Variants in MIR2052HG observed in about 807,000 individuals in gnomAD.
MIR2052HG encodes MIR2052 host gene.
chr8:74,629,757 G>A (rs760778250), intron 2 of MIR2052HG, among the ~76,000 whole-genome samples: 3 of 152,126 alleles, frequency 2.0e-5, no homozygotes, highest in African/African-American at 7.2e-5. Flanking sequence ...GAGTGACTGG[G>A]AGATGAATAA....
In MIR2052HG at chr8:74,643,296, A is replaced by C. The variant is rs532033882; in HGVS notation, n.216+30356A>C. The stretch of plus-strand genomic sequence containing the variant: ...AATTTCTTTCTTAAGCATGGTAGTA[A>C]ATGTGGTTTCTTGGACTTCTTCACA... On this transcript the variant is annotated intron_variant and non_coding_transcript_variant, in intron 2 of 6. Transcript: ENST00000523442. 5.3e-5 allele frequency among the ~76,000 whole-genome samples: 8 copies of C among 152,302 alleles called. No homozygotes were observed. In the East Asian group the frequency reaches 1.5e-3, roughly 29 times the overall value.
chr8:74,716,278 C>T (rs1415444487), intron 4 of MIR2052HG, among the ~76,000 whole-genome samples: 1 of 152,132 alleles, frequency 6.6e-6, no homozygotes, highest in Non-Finnish European at 1.5e-5. Flanking sequence ...CTGAGGGTTC[C>T]CAGAATGGTG....
At chr8:74,705,957 G>T in intron 4 of MIR2052HG, among the ~76,000 whole-genome samples, 1 of 152,070 alleles carries the variant, frequency 6.6e-6, no homozygotes, top group East Asian at 1.9e-4. Context: ...GAAAAATTGT[G>T]TTAGAAGGAA....
intron 4 of MIR2052HG, among the ~76,000 whole-genome samples, chr8:74,743,300 A>G (rs940849808): frequency 6.6e-6 from 1 of 152,206 alleles, no homozygotes; most frequent in African/African-American, 2.4e-5. Flanking sequence ...GTTTAATGTT[A>G]GTGAGGTTAT....
chr8:74,715,414 T>C (rs1045289129), intron 4 of MIR2052HG, among the ~76,000 whole-genome samples: 2 of 152,232 alleles, frequency 1.3e-5, no homozygotes, highest in Admixed American at 1.3e-4. Context: ...TAATTGTCCA[T>C]GGCGATTCAC....
intron 1 of MIR2052HG, chr8:74,603,261 A>T: frequency 1.3e-6 from 2 of 1,483,832 alleles, no homozygotes; most frequent in Non-Finnish European, 1.9e-6. Flanking sequence ...AACAGCAGAA[A>T]GGGATTGTGG....
At chr8:74,721,193 T>G (rs1246733134) in intron 4 of MIR2052HG, among the ~76,000 whole-genome samples, 1 of 152,126 alleles carries the variant, frequency 6.6e-6, no homozygotes, top group Non-Finnish European at 1.5e-5. Flanking sequence ...TTCCAGTGGA[T>G]GGGCTGGGGG....
rs186540539 is a variant in MIR2052HG at position 74,613,309 on chromosome 8, G to A, written n.216+369G>A. ...CAAGAAGGGTAAGGCATACAATGAT[G>A]ATCAACTATAATATTCTTGATATTC... is the stretch of plus-strand genomic sequence containing the variant. On this transcript the variant is annotated intron_variant and non_coding_transcript_variant, in intron 2 of 6. Coordinates refer to ENST00000523442, the Ensembl canonical transcript of MIR2052HG. 2.6e-5 allele frequency among the ~76,000 whole-genome samples: 4 copies of A among 152,234 alleles called. No individual in the cohort carries two copies. In the East Asian group the frequency reaches 7.7e-4, roughly 29 times the overall value.
intron 4 of MIR2052HG, among the ~76,000 whole-genome samples, chr8:74,735,744 C>T (rs1044417351): frequency 6.6e-6 from 1 of 152,130 alleles, no homozygotes; most frequent in Non-Finnish European, 1.5e-5. Context: ...CTTTCAAATT[C>T]TGGGAACTTA....
intron 1 of MIR2052HG, chr8:74,604,073 T>G (rs1316743944): frequency 4.3e-6 from 4 of 934,266 alleles, no homozygotes; most frequent in Non-Finnish European, 7.1e-6. Context: ...AAAGTGATAA[T>G]TCTCTCAGGA....
At chr8:74,630,527 T>TA (rs761616450) in intron 2 of MIR2052HG, among the ~76,000 whole-genome samples, 1 of 37,160 alleles carries the variant, frequency 2.7e-5, no homozygotes, top group African/African-American at 1.5e-4. Flanking sequence ...AAGATTTCTC[T>TA]GAAAAAAAAA....
chr8:74,720,429 TG>T (rs1809564425), intron 4 of MIR2052HG, among the ~76,000 whole-genome samples: 1 of 152,188 alleles, frequency 6.6e-6, no homozygotes, highest in South Asian at 2.1e-4. Flanking sequence ...TTTTCTTAAT[TG>T]TTTTTTTCAA....
chr8:74,635,240 ATTT>A (rs199652112), intron 2 of MIR2052HG, among the ~76,000 whole-genome samples: 4 of 145,484 alleles, frequency 2.7e-5, no homozygotes, highest in African/African-American at 5.0e-5. Context: ...ACAAAAACAG[ATTT>A]TTTTTTTTTT....
intron 4 of MIR2052HG, among the ~76,000 whole-genome samples, chr8:74,748,118 T>C (rs1253814519): frequency 6.6e-6 from 1 of 152,182 alleles, no homozygotes. Context: ...AGAAAGTTAG[T>C]GTTCAGAGGT....
chr8:74,750,654 G>A (rs1238207026), intron 4 of MIR2052HG, among the ~76,000 whole-genome samples: 2 of 152,170 alleles, frequency 1.3e-5, no homozygotes, highest in African/African-American at 2.4e-5. Context: ...TTTACTGTAA[G>A]AAAAGTTACT....
At chr8:74,611,351 CTT>C (rs1443141053) in intron 1 of MIR2052HG, among the ~76,000 whole-genome samples, 2 of 152,030 alleles carry the variant, frequency 1.3e-5, no homozygotes, top group South Asian at 2.1e-4. Flanking sequence ...AACTGGAACT[CTT>C]ATATACTGTT....
chr8:74,604,109 G>T, intron 1 of MIR2052HG: 1 of 920,946 alleles, frequency 1.1e-6, no homozygotes, highest in Non-Finnish European at 1.8e-6. Context: ...ATGTTGATAG[G>T]TGCACCACTC....
intron 2 of MIR2052HG, among the ~76,000 whole-genome samples, chr8:74,682,152 A>T (rs1809132359): frequency 6.6e-6 from 1 of 152,206 alleles, no homozygotes; most frequent in African/African-American, 2.4e-5. Context: ...CATACAATAT[A>T]TAAAAAATGC....
At chr8:74,619,561 A>G (rs1157816466) in intron 2 of MIR2052HG, among the ~76,000 whole-genome samples, 1 of 152,190 alleles carries the variant, frequency 6.6e-6, no homozygotes, top group Non-Finnish European at 1.5e-5. Flanking sequence ...TGGAAGGCAA[A>G]GGAGAAGCAG....
Sources: gnomAD v4.1 joint callset for allele counts (sites outside exome capture counted in the v4.1 genomes callset) on GRCh38, gnomAD v4.1.1 for gene constraint, MANE v1.5 for transcripts, NCBI Gene and HGNC (gene_info 2026-07-23, HGNC 2026-07-21) for gene names.